The following PREX2 variants were observed in gnomAD, a reference collection of about 807,000 sequenced individuals.
The protein encoded by PREX2 is phosphatidylinositol-3,4,5-trisphosphate dependent Rac exchange factor 2.
In PREX2, 107 loss-of-function variants were observed where a neutral mutation model predicts 203.2. That is an observed-to-expected ratio of 0.53 (90% CI 0.45 to 0.62). The LOEUF (loss-of-function observed/expected upper bound fraction) is 0.62. Among genes scored for constraint, PREX2 ranks in the 20% least tolerant of loss-of-function variants. The probability of loss-of-function intolerance (pLI) is 0.00; values close to 1 mark genes in which losing one functional copy is unlikely to be tolerated. For synonymous variants in PREX2, 672 were observed against 663.6 expected (o/e 1.01, Z -0.19); for missense variants, 1,777 against 1,955.9 (o/e 0.91, Z 1.72).
At chr8:68,024,887 A>G (rs1318170780) in intron 4 of PREX2, among the ~76,000 whole-genome samples, 1 of 151,980 alleles carries the variant, frequency 6.6e-6, no homozygotes, top group South Asian at 2.1e-4. Context: ...ACCTAATTCC[A>G]GTTAAAAGTA....
intron 11 of PREX2, among the ~76,000 whole-genome samples, chr8:68,066,190 A>G (rs958228047): frequency 7.2e-5 from 11 of 152,140 alleles, no homozygotes; most frequent in African/African-American, 2.7e-4. Flanking sequence ...ACATGGGGGT[A>G]CAGATATCTC....
At chr8:67,970,783 T>G (rs1805904270) in intron 1 of PREX2, among the ~76,000 whole-genome samples, 1 of 152,172 alleles carries the variant, frequency 6.6e-6, no homozygotes, top group Non-Finnish European at 1.5e-5. Flanking sequence ...GGCTTGAGGG[T>G]CAGGACAGAG....
chr8:68,128,287 T>G (rs1810936173), intron 31 of PREX2, among the ~76,000 whole-genome samples: 1 of 152,228 alleles, frequency 6.6e-6, no homozygotes, highest in Non-Finnish European at 1.5e-5. Flanking sequence ...TTCTATTACA[T>G]TAACTAGATG....
rs1477856266 is a variant in PREX2 at position 68,234,542 on chromosome 8, T to C, written c.*3164T>C. On this transcript the variant is annotated 3_prime_UTR_variant, in exon 40 of 40. Coordinates refer to ENST00000288368, the MANE Select transcript of PREX2 (RefSeq NM_024870.4). Reference sequence around the variant, plus strand: ...TACAAAATTTAATGTGATATTAAAGTATGAAAAATTTGAGAAGATTAGAAT... The same window carrying C: ...TACAAAATTTAATGTGATATTAAAGCATGAAAAATTTGAGAAGATTAGAAT... 2.1e-4 allele frequency: 32 copies of C among 152,230 alleles called. No individual in the cohort carries two copies. Among genetic ancestry groups the C allele is most frequent in the Non-Finnish European group, 2.9e-5 (2 of 68,044 alleles). 9.4% of individuals were successfully genotyped at this position (152,230 alleles called of 1,614,324 possible).
chr8:68,043,161 C>A (rs1808247677), intron 7 of PREX2, among the ~76,000 whole-genome samples: 2 of 152,112 alleles, frequency 1.3e-5, no homozygotes, highest in Non-Finnish European at 2.9e-5. Flanking sequence ...GGCCAATTTT[C>A]ATAGCTACCT....
intron 1 of PREX2, among the ~76,000 whole-genome samples, chr8:68,015,046 G>A (rs1470393790): frequency 6.6e-6 from 1 of 152,138 alleles, no homozygotes; most frequent in African/African-American, 2.4e-5. Flanking sequence ...ATGAAATTTT[G>A]GACAAGTGGG....
At chr8:68,015,080 G>A (rs1807376172) in intron 1 of PREX2, among the ~76,000 whole-genome samples, 1 of 152,204 alleles carries the variant, frequency 6.6e-6, no homozygotes, top group Admixed American at 6.5e-5. Context: ...ATAAAACAAT[G>A]TGTAGAATCC....
At chr8:67,957,045 G>T (rs1185150464) in intron 1 of PREX2, among the ~76,000 whole-genome samples, 1 of 152,164 alleles carries the variant, frequency 6.6e-6, no homozygotes, top group Non-Finnish European at 1.5e-5. Context: ...GGCCCATCTG[G>T]CTCATAAGAG....
intron 32 of PREX2, 139 bp from the exon 33 acceptor site, chr8:68,138,276 A>G: frequency 2.4e-6 from 1 of 408,574 alleles, no homozygotes; most frequent in East Asian, 3.7e-5. Context: ...ATTATTACAG[A>G]AGTCTTTATA....
intron 34 of PREX2, 26 bp downstream of exon 34, chr8:68,146,378 G>A (rs767594504): frequency 6.4e-7 from 1 of 1,559,548 alleles, no homozygotes; most frequent in Non-Finnish European, 8.7e-7. Flanking sequence ...TTTGATGGCT[G>A]CTATACTTTA....
chr8:68,104,012 G>T (rs776984460), intron 23 of PREX2, among the ~76,000 whole-genome samples: 1 of 152,012 alleles, frequency 6.6e-6, no homozygotes, highest in African/African-American at 2.4e-5. Context: ...TCCTTCCCCT[G>T]CCCCACCCCA....
At chr8:68,204,843 G>A (rs1042190862) in intron 37 of PREX2, among the ~76,000 whole-genome samples, 26 of 151,330 alleles carry the variant, frequency 1.7e-4, no homozygotes, top group African/African-American at 5.1e-4. Context: ...CACCACACCC[G>A]GCTAATTTTT....
At chr8:68,120,827 A>G (rs374053140) in intron 29 of PREX2, 94 bp from the exon 30 acceptor site, 4 of 1,057,448 alleles carry the variant, frequency 3.8e-6, no homozygotes, top group East Asian at 2.6e-5. Flanking sequence ...TCAATAGTCT[A>G]GGACAACAGT....
intron 13 of PREX2, among the ~76,000 whole-genome samples, chr8:68,070,835 G>A (rs1809172050): frequency 6.6e-6 from 1 of 152,118 alleles, no homozygotes; most frequent in South Asian, 2.1e-4. Context: ...AGAACACACT[G>A]TTTGCAGGTC....
intron 1 of PREX2, among the ~76,000 whole-genome samples, chr8:68,003,634 T>C (rs1028720982): frequency 6.6e-6 from 1 of 152,146 alleles, no homozygotes; most frequent in Admixed American, 6.5e-5. Flanking sequence ...TACAGAGATA[T>C]AAGATTACTC....
chr8:68,195,421 T>C (rs1440214923), intron 37 of PREX2, among the ~76,000 whole-genome samples: 1 of 152,240 alleles, frequency 6.6e-6, no homozygotes, highest in Non-Finnish European at 1.5e-5. Flanking sequence ...GTCAAAACTA[T>C]TTGAAAATTG....
At chr8:67,966,652 A>G (rs942436835) in intron 1 of PREX2, among the ~76,000 whole-genome samples, 1 of 152,192 alleles carries the variant, frequency 6.6e-6, no homozygotes, top group Non-Finnish European at 1.5e-5. Context: ...AAATGCAACC[A>G]GAGCTATTTA....
rs67614434 is a variant in PREX2, at chr8:67,975,694, C to CTTTTTTTTTTTTTTTTT, written c.141+23170_141+23186dup. On this transcript the variant is annotated intron_variant, in intron 1 of 39. Transcript: ENST00000288368. ...TCAGGATAGTAACTGATTTCTCTTT[C>CTTTTTTTTTTTTTTTTT]TTTTTTTTTTTTTTTTTTTTTTTTT... Among the ~76,000 whole-genome samples, 6 of 75,014 alleles carry CTTTTTTTTTTTTTTTTT rather than the reference C, an allele frequency of 8.0e-5. 2 individuals carry two copies. The highest frequency in any genetic ancestry group is 2.4e-4 in the African/African-American group (4 of 16,858). 49.2% of individuals were successfully genotyped at this position (75,014 alleles called of 152,430 possible).
intron 37 of PREX2, 102 bp downstream of exon 37, chr8:68,192,627 C>G: frequency 1.2e-6 from 1 of 840,908 alleles, no homozygotes; most frequent in Non-Finnish European, 1.8e-6. Context: ...TGGAAACATT[C>G]AAAGACTCAG....
Sources: allele counts gnomAD v4.1 joint callset (sites outside exome capture counted in the v4.1 genomes callset), GRCh38; gene constraint gnomAD v4.1.1; transcripts MANE v1.5; gene names NCBI Gene and HGNC (gene_info 2026-07-23, HGNC 2026-07-21).